Variants in KRT10 observed in about 807,000 individuals in gnomAD.
KRT10 encodes keratin 10, also known as keratin, type I cytoskeletal 10.
KRT10 carries 40 observed loss-of-function variants against 59.2 expected under a neutral mutation model. The observed-to-expected ratio is 0.68, with a 90% CI of 0.52 to 0.88. The LOEUF (loss-of-function observed/expected upper bound fraction) is 0.88. Among genes scored for constraint, KRT10 ranks in the 40% least tolerant of loss-of-function variants. KRT10 has a pLI of 0.00. For synonymous variants in KRT10, 336 were observed against 310.7 expected (o/e 1.08, Z -0.86); for missense variants, 719 against 749.1 (o/e 0.96, Z 0.47).
chr17:40,818,999 GCCGCCGCCGGAGC>G lies in KRT10; in HGVS notation c.1523_1535del (p.Ser508ThrfsTer107). On this transcript the variant is annotated frameshift_variant, in exon 7 of 8. Coordinates refer to ENST00000269576, the MANE Select transcript of KRT10 (RefSeq NM_000421.5). LOFTEE classifies it high-confidence loss of function. ...CGCCGCTGGAGCTTCCGCCCCCGTA[GCCGCCGCCGGAGC>G]TTCCGCCGCCGGAGCTTCCGCCTCC... The G allele has an allele frequency of 7.3e-7, 1 of 1,378,800 alleles. No homozygotes were observed. The highest frequency in any genetic ancestry group is 1.6e-5 in the South Asian group (1 of 63,496). The allele number at this position is 1,378,800 out of a possible 1,614,324, so 85.4% of individuals were successfully genotyped here.
chr17:40,821,073 G>A lies in KRT10; in HGVS notation c.672C>T (p.Ile224=). The A allele has an allele frequency of 6.2e-7, 1 of 1,613,946 alleles. No homozygotes were observed. Among genetic ancestry groups the A allele is most frequent in the East Asian group, 2.2e-5 (1 of 44,868 alleles). ...CATCAGCTGCCAGCCTGGCATTGTC[G>A]ATCTGAAGCAGGATGTTGGCATTAT... The part of the protein sequence containing the change: ...TTDNANILLQ[I]DNARLAADDF... Residue 224 remains isoleucine (I), a synonymous_variant, in exon 2 of 8, where the codon ATC becomes ATT. Coordinates refer to ENST00000269576, the MANE Select transcript of KRT10 (RefSeq NM_000421.5).
chr17:40,821,888 T>G, intron 1 of KRT10, 71 bp downstream of exon 1: 1 of 1,517,318 alleles, frequency 6.6e-7, no homozygotes, highest in African/African-American at 1.4e-5. Context: ...CACATTGTGC[T>G]TAATTTAAGA....
rs775424605 is a variant in KRT10, at chr17:40,818,947, AGCCGCCGCTGGAACTGCCGCCGTG to A, written c.1564_1587del (p.His522_Gly529del). ...CCGCCGCCGGAACTGCCACCACCGT[AGCCGCCGCTGGAACTGCCGCCGTG>A]GCCGCCGCTGGAGCTTCCGCCCCCG... On this transcript the variant is annotated inframe_deletion, in exon 7 of 8. Coordinates refer to ENST00000269576, the MANE Select transcript of KRT10 (RefSeq NM_000421.5). 1.0e-3 allele frequency: 1,280 copies of A among 1,269,832 alleles called. 11 individuals carry two copies. The African/African-American group carries it at 0.025, about 24-fold the overall frequency. 78.7% of individuals were successfully genotyped at this position (1,269,832 alleles called of 1,614,324 possible).
chr17:40,818,407 A>T lies in KRT10; in HGVS notation c.*69T>A, dbSNP rs1905145888. 6.2e-7 allele frequency: 1 copy of T among 1,609,836 alleles called. No individual in the cohort carries two copies. The highest frequency in any genetic ancestry group is 8.5e-7 in the Non-Finnish European group (1 of 1,176,862). The stretch of plus-strand genomic sequence containing the variant: ...GTAGTGTTTCTTGGTTTCTGATTCA[A>T]CCATAGATGAAAGAACTCTACCGTC... On this transcript the variant is annotated 3_prime_UTR_variant, in exon 8 of 8. Coordinates refer to ENST00000269576, the MANE Select transcript of KRT10 (RefSeq NM_000421.5).
At position 40,819,075 on chromosome 17, in the gene KRT10, TGGCCGCC is replaced by T. The variant is rs1905214892; in HGVS notation, c.1453_1459del (p.Gly485ThrfsTer132). On this transcript the variant is annotated frameshift_variant, in exon 7 of 8. Coordinates refer to ENST00000269576, the MANE Select transcript of KRT10 (RefSeq NM_000421.5). LOFTEE classifies it high-confidence loss of function. ...GGAACTGCCGCCGTGGCCGCCGCCG[TGGCCGCC>T]GCCGGAGCTTCCGCCGCCGGAGCTT... The T allele has an allele frequency of 3.3e-6, 4 of 1,215,204 alleles. No homozygotes were observed. The East Asian group carries it at 1.6e-4, about 49-fold the overall frequency. 75.3% of individuals were successfully genotyped at this position (1,215,204 alleles called of 1,614,324 possible). A position where few individuals can be genotyped will look rare whatever the true frequency, so the allele number is the denominator to read the frequency against.
chr17:40,819,690 G>T lies in KRT10; in HGVS notation c.1200C>A (p.Tyr400Ter). 6.2e-7 allele frequency: 1 copy of T among 1,614,240 alleles called. No individual in the cohort carries two copies. The highest frequency in any genetic ancestry group is 8.5e-7 in the Non-Finnish European group (1 of 1,180,040). ...EASLAETEGR[Y>*]CVQLSQIQAQ... ...CCTGAATCTGTGAGAGCTGCACACA[G>T]TAGCGACCTTCTGTTTCTGCCAAGG... The change falls in exon 6 of 8, where the codon TAC (tyrosine) becomes TAA (stop). Residue 400 changes from tyrosine (Y) to a stop codon, truncating the protein, a stop_gained. Transcript: ENST00000269576. LOFTEE classifies it high-confidence loss of function.
Position 40,819,074 on chromosome 17 carries a change from G to C in KRT10, c.1461C>G (p.His487Gln). 1 of 1,348,506 alleles carries C rather than the reference G, an allele frequency of 7.4e-7. No homozygotes were observed. Among genetic ancestry groups the C allele is most frequent in the Non-Finnish European group, 9.8e-7 (1 of 1,022,968 alleles). 83.5% of individuals were successfully genotyped at this position (1,348,506 alleles called of 1,614,324 possible). A position where few individuals can be genotyped will look rare whatever the true frequency, so the allele number is the denominator to read the frequency against. Residue 487 changes from histidine to glutamine, a missense_variant, in exon 7 of 8, where the codon CAC becomes CAG. Physicochemically the swap from His to Gln is conservative, Grantham distance 24. Around this residue, in one of 4 missense-constraint regions of KRT10, gnomAD observed 315 missense variants for 270.6 expected, o/e 1.16. Coordinates refer to ENST00000269576, the MANE Select transcript of KRT10 (RefSeq NM_000421.5). ...SSGGGSSGGGHGGGHGGSSGG... is the reference protein window; with the variant it reads ...SSGGGSSGGGQGGGHGGSSGG... The stretch of plus-strand genomic sequence containing the variant: ...CGGAACTGCCGCCGTGGCCGCCGCC[G>C]TGGCCGCCGCCGGAGCTTCCGCCGC...
intron 6 of KRT10, 125 bp from the exon 7 acceptor site, chr17:40,819,286 A>ATT: frequency 1.3e-6 from 2 of 1,532,374 alleles, no homozygotes; most frequent in Non-Finnish European, 1.8e-6. Context: ...CCAGGTATAT[A>ATT]TTTTAAAACC....
Position 40,818,436 on chromosome 17 carries a change from C to A in KRT10, c.*40G>T, listed in dbSNP as rs373917637. On this transcript the variant is annotated 3_prime_UTR_variant, in exon 8 of 8. Coordinates refer to ENST00000269576, the MANE Select transcript of KRT10 (RefSeq NM_000421.5). Reference sequence around the variant, plus strand: ...TAGATGAAAGAACTCTACCGTCGGGCGCCACCTCTTCAATAATTGTCTTGA... The same window carrying A: ...TAGATGAAAGAACTCTACCGTCGGGAGCCACCTCTTCAATAATTGTCTTGA... 1 of 1,613,150 alleles carries A rather than the reference C, an allele frequency of 6.2e-7. No homozygotes were observed. Among genetic ancestry groups the A allele is most frequent in the Admixed American group, 1.7e-5 (1 of 59,996 alleles).
At position 40,818,297 on chromosome 17, in the gene KRT10, G is replaced by A. The variant is rs1905141229; in HGVS notation, c.*179C>T. The A allele has an allele frequency of 5.1e-6, 4 of 783,628 alleles. No homozygotes were observed. Among genetic ancestry groups the A allele is most frequent in the South Asian group, 3.4e-5 (2 of 58,494 alleles). 48.5% of individuals were successfully genotyped at this position (783,628 alleles called of 1,614,324 possible). A position where few individuals can be genotyped will look rare whatever the true frequency, so the allele number is the denominator to read the frequency against. On this transcript the variant is annotated 3_prime_UTR_variant, in exon 8 of 8. Coordinates refer to ENST00000269576, the MANE Select transcript of KRT10 (RefSeq NM_000421.5). Reference sequence around the variant, plus strand: ...TTCCATAGACCATCAAGACAGAAGTGTTTTCTTGGAGACTTTGTTTTCCAT... The same window carrying A: ...TTCCATAGACCATCAAGACAGAAGTATTTTCTTGGAGACTTTGTTTTCCAT...
chr17:40,818,927 G>A lies in KRT10; in HGVS notation c.1608C>T (p.Gly536=). The A allele has an allele frequency of 1.5e-6, 2 of 1,363,794 alleles. No homozygotes were observed. Among genetic ancestry groups the A allele is most frequent in the Admixed American group, 2.7e-5 (1 of 37,032 alleles). The allele number at this position is 1,363,794 out of a possible 1,614,324, so 84.5% of individuals were successfully genotyped here. A position where few individuals can be genotyped will look rare whatever the true frequency, so the allele number is the denominator to read the frequency against. ...SSGGYGGGSS[G]GGGGGYGGGS... Reference sequence around the variant, plus strand: ...CGCCCCCGTAGCCGCCGCCGCCGCCGCCGGAACTGCCACCACCGTAGCCGC... The same window carrying A: ...CGCCCCCGTAGCCGCCGCCGCCGCCACCGGAACTGCCACCACCGTAGCCGC... The change falls in exon 7 of 8, where the codon GGC becomes GGT. Residue 536 remains glycine, a synonymous_variant. Transcript: ENST00000269576.
At position 40,820,367 on chromosome 17, in the gene KRT10, A is replaced by G. The variant is rs1905299367; in HGVS notation, c.924T>C (p.Ala308=). 4 of 1,614,244 alleles carry G rather than the reference A, an allele frequency of 2.5e-6. No homozygotes were observed. Among genetic ancestry groups the G allele is most frequent in the Non-Finnish European group, 3.4e-6 (4 of 1,180,042 alleles). The change falls in exon 4 of 8, where the codon GCT becomes GCC. Residue 308 remains alanine (A), a synonymous_variant. Transcript: ENST00000269576. Reference sequence around the variant, plus strand: ...GTTGAGTCAGATCAACACCCGGGGCAGCATTCATTTCCACATTCACATCAC... The same window carrying G: ...GTTGAGTCAGATCAACACCCGGGGCGGCATTCATTTCCACATTCACATCAC... ...STGDVNVEMN[A]APGVDLTQLL... is the part of the protein sequence containing the mutation.
Position 40,820,097 on chromosome 17 carries a change from T to C in KRT10, c.1107A>G (p.Arg369=), listed in dbSNP as rs536668934. 28 of 1,613,572 alleles carry C rather than the reference T, an allele frequency of 1.7e-5. No individual in the cohort carries two copies. The South Asian group carries it at 2.9e-4, about 16-fold the overall frequency. Residue 369 remains arginine (R), a synonymous_variant, in exon 5 of 8, where the codon AGA becomes AGG. Transcript: ENST00000269576. ...CTATCTCCAGAGCTTGTACATTACG[T>C]CTCAATTCAGTAATCTCAGATTTAT... ...SSYKSEITEL[R]RNVQALEIEL...
Position 40,819,607 on chromosome 17 carries a change from T to C in KRT10, c.1283A>G (p.Gln428Arg), listed in dbSNP as rs1490166280. ...CAGGAGTTGTTGGTATTCAGTATTC[T>C]GGCACTCGGTTTCAGCTCGAATCTG... Reference protein sequence around the residue: ...LQQIRAETECQNTEYQQLLDI... With the variant: ...LQQIRAETECRNTEYQQLLDI... Residue 428 changes from glutamine to arginine, a missense_variant, in exon 6 of 8, where the codon CAG (glutamine) becomes CGG (arginine). Gln to Arg is a conservative substitution (Grantham distance 43, BLOSUM62 1). Coordinates refer to ENST00000269576, the MANE Select transcript of KRT10 (RefSeq NM_000421.5). The C allele has an allele frequency of 1.2e-6, 2 of 1,614,248 alleles. No homozygotes were observed. Among genetic ancestry groups the C allele is most frequent in the Admixed American group, 3.3e-5 (2 of 60,032 alleles).
Position 40,819,538 on chromosome 17 carries a change from C to T in KRT10, c.1352G>A (p.Ser451Asn), listed in dbSNP as rs1254910038. 3.7e-6 allele frequency: 6 copies of T among 1,613,964 alleles called. No homozygotes were observed. The highest frequency in any genetic ancestry group is 1.3e-5 in the African/African-American group (1 of 74,924). The change falls in exon 6 of 8, where the codon AGC becomes AAC. Residue 451 changes from serine to asparagine, a missense_variant. Transcript: ENST00000269576. Reference protein sequence around the residue: ...RLENEIQTYRSLLEGEGSSGG... With the variant: ...RLENEIQTYRNLLEGEGSSGG... ...TTACCTTCCCTCTCCTTCTAGCAGG[C>T]TGCGGTAGGTTTGAATTTCATTCTC... is the stretch of plus-strand genomic sequence containing the variant.
chr17:40,820,304 A>G lies in KRT10; in HGVS notation c.987T>C (p.Ala329=), dbSNP rs1567709535. 7 of 1,614,244 alleles carry G rather than the reference A, an allele frequency of 4.3e-6. No homozygotes were observed. The highest frequency in any genetic ancestry group is 4.2e-6 in the Non-Finnish European group (5 of 1,180,052). ...NNMRSQYEQL[A]EQNRKDAEAW... is the part of the protein sequence containing the mutation. ...CTTCAGCATCTTTGCGGTTTTGTTC[A>G]GCAAGTTGTTCATATTGGCTTCTCA... Residue 329 remains alanine (A), a synonymous_variant, in exon 4 of 8, where the codon GCT becomes GCC. Coordinates refer to ENST00000269576, the MANE Select transcript of KRT10 (RefSeq NM_000421.5).
In KRT10 at chr17:40,822,319, A is replaced by G. The variant is rs765099902; in HGVS notation, c.267T>C (p.Tyr89=). 24 of 1,595,168 alleles carry G rather than the reference A, an allele frequency of 1.5e-5. No individual in the cohort carries two copies. In the South Asian group the frequency reaches 2.4e-4, roughly 16 times the overall value. ...AACTCCCACCAAAGCTGCTACTTCC[A>G]TAGCTTCCACGAAAGCTACCTCCAC... ...GFGGGSFRGS[Y]GSSSFGGSYG... is the part of the protein sequence containing the mutation. The change falls in exon 1 of 8, where the codon TAT becomes TAC. Residue 89 remains tyrosine, a synonymous_variant. Coordinates refer to ENST00000269576, the MANE Select transcript of KRT10 (RefSeq NM_000421.5).
Position 40,819,630 on chromosome 17 carries a change from C to T in KRT10, c.1260G>A (p.Gln420=). 1 of 1,614,188 alleles carries T rather than the reference C, an allele frequency of 6.2e-7. No individual in the cohort carries two copies. The highest frequency in any genetic ancestry group is 8.5e-7 in the Non-Finnish European group (1 of 1,180,014). ...QISALEEQLQ[Q]IRAETECQNT... is the part of the protein sequence containing the mutation. ...TCTGGCACTCGGTTTCAGCTCGAAT[C>T]TGTTGCAACTGTTCTTCCAGAGCGG... Residue 420 remains glutamine (Q), a synonymous_variant, in exon 6 of 8, where the codon CAG becomes CAA. Coordinates refer to ENST00000269576, the MANE Select transcript of KRT10 (RefSeq NM_000421.5).
Position 40,818,773 on chromosome 17 carries a change from T to C in KRT10, c.1748+14A>G. ...TAAAACTAATTCTGATTACCCCAGC[T>C]AGTTTCTGCTGACCTTGGTCCCTTA... is the stretch of plus-strand genomic sequence containing the variant. On this transcript the variant is annotated intron_variant, in intron 7 of 7. Coordinates refer to ENST00000269576, the MANE Select transcript of KRT10 (RefSeq NM_000421.5). 6.4e-7 allele frequency: 1 copy of C among 1,563,894 alleles called. No homozygotes were observed. The highest frequency in any genetic ancestry group is 1.1e-5 in the South Asian group (1 of 90,220).
Sources: gnomAD v4.1 joint callset for allele counts on GRCh38, gnomAD v4.1.1 for gene constraint, gnomAD v4.1.1 regional missense constraint, MANE v1.5 for transcripts, NCBI Gene and HGNC (gene_info 2026-07-23, HGNC 2026-07-21) for gene names.